Variants in LCE6A observed in about 807,000 individuals in gnomAD.
LCE6A encodes late cornified envelope 6A.
For synonymous variants in LCE6A, 38 were observed against 35.2 expected (o/e 1.08, Z -0.28); for missense variants, 105 against 95.3 (o/e 1.10, Z -0.42).
In LCE6A at chr1:152,843,557, A is replaced by G; in HGVS notation, c.37A>G (p.Asn13Asp). The change falls in exon 2 of 2, where the codon AAT (asparagine) becomes GAT (aspartate). Residue 13 changes from asparagine (N) to aspartate (D), a missense_variant. By Grantham distance (23) the Asn-to-Asp change is conservative. Coordinates refer to ENST00000431011, the MANE Select transcript of LCE6A (RefSeq NM_001128600.2). ...QQKQQSWKPP[N>D]VPKCSPPQRS... ...GAAGCAGCAATCTTGGAAGCCTCCAAATGTTCCCAAATGCTCCCCTCCCCA... is the reference window on the plus strand; with the variant it reads ...GAAGCAGCAATCTTGGAAGCCTCCAGATGTTCCCAAATGCTCCCCTCCCCA... 1 of 1,549,374 alleles carries G rather than the reference A, an allele frequency of 6.5e-7. No individual in the cohort carries two copies. The highest frequency in any genetic ancestry group is 8.7e-7 in the Non-Finnish European group (1 of 1,145,954).
chr1:152,843,893 T>G lies in LCE6A; in HGVS notation c.*130T>G. ...AGAAACACTTCCTGATCCCCAGCTC[T>G]AGAGAAGCGAGAACTAGGCTGAGCC... On this transcript the variant is annotated 3_prime_UTR_variant, in exon 2 of 2. Coordinates refer to ENST00000431011, the MANE Select transcript of LCE6A (RefSeq NM_001128600.2). 8.6e-7 allele frequency: 1 copy of G among 1,163,578 alleles called. No homozygotes were observed. The highest frequency in any genetic ancestry group is 1.2e-6 in the Non-Finnish European group (1 of 844,708). 72.1% of individuals were successfully genotyped at this position (1,163,578 alleles called of 1,614,324 possible). A position where few individuals can be genotyped will look rare whatever the true frequency, so the allele number is the denominator to read the frequency against.
Position 152,843,514 on chromosome 1 carries a change from C to G in LCE6A, c.-7C>G, listed in dbSNP as rs756899929. 6.6e-6 allele frequency: 10 copies of G among 1,517,084 alleles called. No individual in the cohort carries two copies. Among genetic ancestry groups the G allele is most frequent in the African/African-American group, 1.4e-5 (1 of 71,500 alleles). The allele number at this position is 1,517,084 out of a possible 1,614,324, so 94.0% of individuals were successfully genotyped here. A position where few individuals can be genotyped will look rare whatever the true frequency, so the allele number is the denominator to read the frequency against. On this transcript the variant is annotated 5_prime_UTR_variant, in exon 2 of 2. Coordinates refer to ENST00000431011, the MANE Select transcript of LCE6A (RefSeq NM_001128600.2). ...TTTTCTTCCAGATTCGACCTGGTAGCCAAGCAATGTCACAGCAGAAGCAGC... is the reference window on the plus strand; with the variant it reads ...TTTTCTTCCAGATTCGACCTGGTAGGCAAGCAATGTCACAGCAGAAGCAGC...
Position 152,843,483 on chromosome 1 carries a change from A to T in LCE6A, c.-21-17A>T, listed in dbSNP as rs1374963998. ...CCCAAGCTGCCTGGGTCCCTGATATAACTATTTTTCTTCCAGATTCGACCT... is the reference window on the plus strand; with the variant it reads ...CCCAAGCTGCCTGGGTCCCTGATATTACTATTTTTCTTCCAGATTCGACCT... On this transcript the variant is annotated splice_polypyrimidine_tract_variant and intron_variant, in intron 1 of 1. Coordinates refer to ENST00000431011, the MANE Select transcript of LCE6A (RefSeq NM_001128600.2). 1 of 1,483,716 alleles carries T rather than the reference A, an allele frequency of 6.7e-7. No homozygotes were observed. The highest frequency in any genetic ancestry group is 1.4e-5 in the African/African-American group (1 of 70,538). 91.9% of individuals were successfully genotyped at this position (1,483,716 alleles called of 1,614,324 possible). A position where few individuals can be genotyped will look rare whatever the true frequency, so the allele number is the denominator to read the frequency against.
At position 152,843,921 on chromosome 1, in the gene LCE6A, G is replaced by A. The variant is rs1284639814; in HGVS notation, c.*158G>A. 1.1e-5 allele frequency: 8 copies of A among 759,556 alleles called. No homozygotes were observed. In the African/African-American group the frequency reaches 1.1e-4, roughly 10 times the overall value. The allele number at this position is 759,556 out of a possible 1,614,324, so 47.1% of individuals were successfully genotyped here. On this transcript the variant is annotated 3_prime_UTR_variant, in exon 2 of 2. Coordinates refer to ENST00000431011, the MANE Select transcript of LCE6A (RefSeq NM_001128600.2). Reference sequence around the variant, plus strand: ...AGAAGCGAGAACTAGGCTGAGCCACGCTGCTACTGCTCTCTTCCATTCACC... The same window carrying A: ...AGAAGCGAGAACTAGGCTGAGCCACACTGCTACTGCTCTCTTCCATTCACC...
At chr1:152,843,352 T>C in intron 1 of LCE6A, 148 bp from the exon 2 acceptor site, 1 of 590,378 alleles carries the variant, frequency 1.7e-6, no homozygotes, top group Non-Finnish European at 2.9e-6. Context: ...CCCAAATATT[T>C]AGTCCTTTCA....
chr1:152,843,307 G>C (rs949673819), intron 1 of LCE6A, among the ~76,000 whole-genome samples, 193 bp from the exon 2 acceptor site: 2 of 151,362 alleles, frequency 1.3e-5, no homozygotes, highest in Non-Finnish European at 2.9e-5. Context: ...CATTAACATG[G>C]TTATTAGTAA....
chr1:152,843,947 C>A lies in LCE6A; in HGVS notation c.*184C>A, dbSNP rs1045798550. On this transcript the variant is annotated 3_prime_UTR_variant, in exon 2 of 2. Coordinates refer to ENST00000431011, the MANE Select transcript of LCE6A (RefSeq NM_001128600.2). ...CTGCTACTGCTCTCTTCCATTCACC[C>A]CTTCAGCTCAGCAACAATAAAGCTG... 1.5e-5 allele frequency: 9 copies of A among 597,044 alleles called. No individual in the cohort carries two copies. Among genetic ancestry groups the A allele is most frequent in the African/African-American group, 1.1e-4 (6 of 53,928 alleles). The allele number at this position is 597,044 out of a possible 1,614,324, so 37.0% of individuals were successfully genotyped here. A position where few individuals can be genotyped will look rare whatever the true frequency, so the allele number is the denominator to read the frequency against.
intron 1 of LCE6A, 83 bp from the exon 2 acceptor site, chr1:152,843,417 C>T: frequency 7.8e-7 from 1 of 1,280,646 alleles, no homozygotes; most frequent in Non-Finnish European, 1.1e-6. Context: ...TGCTGGACTT[C>T]ATTTTTGACA....
intron 1 of LCE6A, 92 bp downstream of exon 1, chr1:152,843,103 A>C (rs537630003): frequency 6.5e-6 from 1 of 153,700 alleles, no homozygotes; most frequent in South Asian, 2.1e-4. Flanking sequence ...AAAGCCATAG[A>C]AGTTAGAGGG....
intron 1 of LCE6A, among the ~76,000 whole-genome samples, chr1:152,843,269 CTTT>C (rs113699087): frequency 7.0e-6 from 1 of 143,310 alleles, no homozygotes; most frequent in Non-Finnish European, 1.5e-5. Flanking sequence ...TACAATTTGT[CTTT>C]TTTTTTTTTT....
chr1:152,843,464 C>A, intron 1 of LCE6A, 36 bp from the exon 2 acceptor site: 2 of 1,455,120 alleles, frequency 1.4e-6, no homozygotes, highest in Non-Finnish European at 1.8e-6. Flanking sequence ...GAAGCCCAAG[C>A]TGCCTGGGTC....
chr1:152,843,884 C>A lies in LCE6A; in HGVS notation c.*121C>A, dbSNP rs115743333. The A allele has an allele frequency of 1.5e-3, 1,839 of 1,230,560 alleles. 23 individuals carry two copies. In the African/African-American group the frequency reaches 0.025, roughly 17 times the overall value. The allele number at this position is 1,230,560 out of a possible 1,614,324, so 76.2% of individuals were successfully genotyped here. On this transcript the variant is annotated 3_prime_UTR_variant, in exon 2 of 2. Transcript: ENST00000431011. Reference sequence around the variant, plus strand: ...TTTGGACTGAGAAACACTTCCTGATCCCCAGCTCTAGAGAAGCGAGAACTA... The same window carrying A: ...TTTGGACTGAGAAACACTTCCTGATACCCAGCTCTAGAGAAGCGAGAACTA...
In LCE6A at chr1:152,843,925, C is replaced by T; in HGVS notation, c.*162C>T. 1.4e-6 allele frequency: 1 copy of T among 735,892 alleles called. No individual in the cohort carries two copies. Among genetic ancestry groups the T allele is most frequent in the South Asian group, 2.4e-5 (1 of 41,508 alleles). The allele number at this position is 735,892 out of a possible 1,614,324, so 45.6% of individuals were successfully genotyped here. On this transcript the variant is annotated 3_prime_UTR_variant, in exon 2 of 2. Transcript: ENST00000431011. Reference sequence around the variant, plus strand: ...GCGAGAACTAGGCTGAGCCACGCTGCTACTGCTCTCTTCCATTCACCCCTT... The same window carrying T: ...GCGAGAACTAGGCTGAGCCACGCTGTTACTGCTCTCTTCCATTCACCCCTT...
rs1169443436 is a variant in LCE6A, at chr1:152,843,777, G to C, written c.*14G>C. ...GAAGGCGACTGAGCCCAGAAGAGTT[G>C]AGGCACAGGTGCAGTTACTCTCTCC... On this transcript the variant is annotated 3_prime_UTR_variant, in exon 2 of 2. Transcript: ENST00000431011. 6 of 1,538,278 alleles carry C rather than the reference G, an allele frequency of 3.9e-6. No homozygotes were observed. Among genetic ancestry groups the C allele is most frequent in the Non-Finnish European group, 5.3e-6 (6 of 1,139,450 alleles).
rs754165208 is a variant in LCE6A at position 152,843,735 on chromosome 1, G to A, written c.215G>A (p.Cys72Tyr). 45 of 1,551,078 alleles carry A rather than the reference G, an allele frequency of 2.9e-5. No homozygotes were observed. The highest frequency in any genetic ancestry group is 3.8e-5 in the Non-Finnish European group (44 of 1,146,638). The change falls in exon 2 of 2, where the codon TGC becomes TAC. Residue 72 changes from cysteine to tyrosine, a missense_variant. Transcript: ENST00000431011. The stretch of plus-strand genomic sequence containing the variant: ...CTAAGTAGGGGCACAACCTACCACT[G>A]CAAAGAGGAAGAGTGTGAAGGCGAC... ...RCLSRGTTYH[C>Y]KEEECEGD
Position 152,843,509 on chromosome 1 carries a change from G to T in LCE6A, c.-12G>T. The T allele has an allele frequency of 6.6e-7, 1 of 1,514,564 alleles. No homozygotes were observed. The highest frequency in any genetic ancestry group is 1.3e-5 in the South Asian group (1 of 79,518). The allele number at this position is 1,514,564 out of a possible 1,614,324, so 93.8% of individuals were successfully genotyped here. ...ACTATTTTTCTTCCAGATTCGACCT[G>T]GTAGCCAAGCAATGTCACAGCAGAA... On this transcript the variant is annotated 5_prime_UTR_variant, in exon 2 of 2. Transcript: ENST00000431011.
chr1:152,843,131 G>A (rs1647893192), intron 1 of LCE6A, 120 bp downstream of exon 1: 1 of 154,780 alleles, frequency 6.5e-6, no homozygotes, highest in Admixed American at 6.5e-5. Context: ...AGCAGAGATG[G>A]GACAGTCAGA....
chr1:152,843,438 G>T, intron 1 of LCE6A, 62 bp from the exon 2 acceptor site: 1 of 1,384,296 alleles, frequency 7.2e-7, no homozygotes, highest in Non-Finnish European at 9.6e-7. Flanking sequence ...GCTCCAGTTT[G>T]TGGAGGAGAG....
rs578004899 is a variant in LCE6A, at chr1:152,843,937, T to G, written c.*174T>G. ...CTGAGCCACGCTGCTACTGCTCTCTTCCATTCACCCCTTCAGCTCAGCAAC... is the reference window on the plus strand; with the variant it reads ...CTGAGCCACGCTGCTACTGCTCTCTGCCATTCACCCCTTCAGCTCAGCAAC... On this transcript the variant is annotated 3_prime_UTR_variant, in exon 2 of 2. Coordinates refer to ENST00000431011, the MANE Select transcript of LCE6A (RefSeq NM_001128600.2). 1 of 655,264 alleles carries G rather than the reference T, an allele frequency of 1.5e-6. No homozygotes were observed. Among genetic ancestry groups the G allele is most frequent in the African/African-American group, 1.8e-5 (1 of 55,036 alleles). The allele number at this position is 655,264 out of a possible 1,614,324, so 40.6% of individuals were successfully genotyped here.
Sources: allele counts gnomAD v4.1 joint callset (sites outside exome capture counted in the v4.1 genomes callset), GRCh38; gene constraint gnomAD v4.1.1; transcripts MANE v1.5; gene names NCBI Gene and HGNC (gene_info 2026-07-23, HGNC 2026-07-21).